RRP12: variants seen among roughly 807,000 people sequenced by gnomAD.
RRP12 encodes ribosomal RNA processing 12 homolog, also known as RRP12-like protein.
A neutral mutation model predicts 157.3 loss-of-function variants in RRP12; 78 were observed. The ratio of observed to expected loss-of-function variants is 0.50; its 90% CI spans 0.41 to 0.60. The LOEUF (loss-of-function observed/expected upper bound fraction) is 0.60. Ranked by LOEUF, RRP12 falls within the 20% of genes least tolerant of loss-of-function variation. The pLI is 0.00. For missense variants in RRP12, 1,521 were observed against 1,679.9 expected, an observed-to-expected ratio of 0.91 and a Z score of 1.65; for synonymous variants, 726 against 670.9, an observed-to-expected ratio of 1.08 and a Z score of -1.27.
At chr10:97,360,436 G>T (rs1050558860) in intron 31 of RRP12, 110 bp downstream of exon 31, 6 of 847,930 alleles carry the variant, frequency 7.1e-6, no homozygotes, top group Non-Finnish European at 1.2e-5. Context: ...CCAAGTGAGT[G>T]CAACCAGGCT....
At chr10:97,400,636 A>C in intron 1 of RRP12, 102 bp from the exon 2 acceptor site, 1 of 901,660 alleles carries the variant, frequency 1.1e-6, no homozygotes, top group Non-Finnish European at 1.7e-6. Context: ...CTCCAACCCG[A>C]GAGGCTGAAT....
intron 25 of RRP12, among the ~76,000 whole-genome samples, chr10:97,368,441 T>C (rs2018465593): frequency 6.6e-6 from 1 of 152,066 alleles, no homozygotes; most frequent in African/African-American, 2.4e-5. Context: ...CACTGCAACA[T>C]CCGCCTCCCA....
chr10:97,380,044 T>A (rs1435658669), intron 13 of RRP12, among the ~76,000 whole-genome samples: 1 of 152,232 alleles, frequency 6.6e-6, no homozygotes, highest in Non-Finnish European at 1.5e-5. Context: ...GACAAATGTA[T>A]CTTGTCTGCA....
intron 2 of RRP12, among the ~76,000 whole-genome samples, chr10:97,399,142 G>A (rs1194317452): frequency 5.9e-5 from 9 of 151,882 alleles, no homozygotes; most frequent in African/African-American, 9.7e-5. Context: ...GCATGGTGGC[G>A]CACGCCTCTA....
At chr10:97,370,102 C>A (rs1844099357) in intron 24 of RRP12, 65 bp downstream of exon 24, 1 of 1,162,836 alleles carries the variant, frequency 8.6e-7, no homozygotes. Context: ...GCCACTTTAT[C>A]CTGACCTTTT....
chr10:97,373,232 C>G, intron 17 of RRP12, 32 bp from the exon 18 acceptor site: 1 of 1,608,794 alleles, frequency 6.2e-7, no homozygotes, highest in East Asian at 2.2e-5. Flanking sequence ...GCACTAAAGG[C>G]ACAGGAGCTG....
In RRP12 at chr10:97,361,967, C is replaced by T. The variant is rs914487883; in HGVS notation, c.3568-1349G>A. ...ACTAAAAATACAAAAATTAGCTGGGCGTGGTAGCATGCACCTGTAATCCCA... is the reference window on the plus strand; with the variant it reads ...ACTAAAAATACAAAAATTAGCTGGGTGTGGTAGCATGCACCTGTAATCCCA... On this transcript the variant is annotated intron_variant, in intron 30 of 33. Transcript: ENST00000370992. Among the ~76,000 whole-genome samples the T allele has an allele frequency of 3.9e-5, 6 of 152,070 alleles. No homozygotes were observed. In the East Asian group the frequency reaches 7.7e-4, roughly 20 times the overall value.
rs147583725 is a variant in RRP12 at position 97,385,945 on chromosome 10, T to G, written c.1066A>C (p.Arg356=). The change falls in exon 9 of 34, where the codon AGG becomes CGG. Residue 356 remains arginine, a synonymous_variant. Transcript: ENST00000370992. The stretch of plus-strand genomic sequence containing the variant: ...GCTGACAGGGTGCTCAGGCCAGGCC[T>G]GGCGTGGAAGAGGCTGTGAAAGGCC... ...MQAFHSLFHA[R]PGLSTLSAEL... is the part of the protein sequence containing the mutation. 16 of 1,607,020 alleles carry G rather than the reference T, an allele frequency of 1.0e-5. No individual in the cohort carries two copies. Among genetic ancestry groups the G allele is most frequent in the Non-Finnish European group, 1.3e-5 (15 of 1,177,034 alleles).
intron 5 of RRP12, 64 bp downstream of exon 5, chr10:97,390,675 A>G: frequency 7.1e-7 from 1 of 1,404,852 alleles, no homozygotes. Context: ...GGAACATCTA[A>G]GCATCACCAA....
intron 29 of RRP12, among the ~76,000 whole-genome samples, chr10:97,364,995 C>T (rs959410400): frequency 1.3e-5 from 2 of 152,166 alleles, no homozygotes; most frequent in African/African-American, 4.8e-5. Context: ...ATATAACAGG[C>T]ACATGTACAC....
chr10:97,377,286 G>A (rs1161370718), intron 15 of RRP12, among the ~76,000 whole-genome samples: 2 of 151,818 alleles, frequency 1.3e-5, no homozygotes, highest in East Asian at 2.0e-4. Context: ...GGAGGCCGAG[G>A]CAGGTAGATT....
At chr10:97,380,960 G>GC in intron 12 of RRP12, 47 bp from the exon 13 acceptor site, 1 of 1,456,786 alleles carries the variant, frequency 6.9e-7, no homozygotes, top group Non-Finnish European at 9.6e-7. Flanking sequence ...ACCACCCTGT[G>GC]CCCCCCACCA....
chr10:97,356,807 T>C lies in RRP12; in HGVS notation c.*287A>G. On this transcript the variant is annotated 3_prime_UTR_variant, in exon 34 of 34. Coordinates refer to ENST00000370992, the MANE Select transcript of RRP12 (RefSeq NM_015179.4). ...GCAGCTGGCGGAAATGGAGATCATCTGTTCTGGTGCTCATGGCCACTCTGG... is the reference window on the plus strand; with the variant it reads ...GCAGCTGGCGGAAATGGAGATCATCCGTTCTGGTGCTCATGGCCACTCTGG... 3.0e-6 allele frequency: 1 copy of C among 332,132 alleles called. No individual in the cohort carries two copies. Among genetic ancestry groups the C allele is most frequent in the Non-Finnish European group, 5.4e-6 (1 of 184,160 alleles). The allele number at this position is 332,132 out of a possible 1,614,324, so 20.6% of individuals were successfully genotyped here.
intron 4 of RRP12, chr10:97,393,413 C>T (rs754670728): frequency 6.6e-6 from 4 of 603,970 alleles, no homozygotes; most frequent in South Asian, 1.4e-5. Context: ...ACACACACCA[C>T]GTGAAGATTT....
chr10:97,362,264 G>A (rs1458500086), intron 30 of RRP12, among the ~76,000 whole-genome samples: 2 of 152,170 alleles, frequency 1.3e-5, no homozygotes, highest in Non-Finnish European at 2.9e-5. Flanking sequence ...CGGGGCAGTG[G>A]GGGACATCCT....
chr10:97,375,481 G>A (rs1451958446), intron 15 of RRP12, among the ~76,000 whole-genome samples: 2 of 152,094 alleles, frequency 1.3e-5, no homozygotes, highest in African/African-American at 2.4e-5. Flanking sequence ...GTTTTTGCCA[G>A]TATAAGCCAA....
chr10:97,365,430 C>T (rs754678137), intron 29 of RRP12, among the ~76,000 whole-genome samples: 5 of 152,124 alleles, frequency 3.3e-5, no homozygotes, highest in African/African-American at 9.6e-5. Context: ...CCCGCGACCA[C>T]GCCCAGCTAA....
At chr10:97,396,189 A>C (rs1353832669) in intron 3 of RRP12, 29 bp downstream of exon 3, 1 of 1,519,086 alleles carries the variant, frequency 6.6e-7, no homozygotes, top group African/African-American at 1.4e-5. Flanking sequence ...GCTGCTCTGA[A>C]CACCCACCCT....
intron 20 of RRP12, chr10:97,371,784 G>A (rs368278614): frequency 2.1e-5 from 7 of 327,132 alleles, no homozygotes; most frequent in Admixed American, 8.1e-5. Context: ...AGCTCAGGCC[G>A]GTCTGGGATG....
Sources: gnomAD v4.1 joint callset for allele counts (sites outside exome capture counted in the v4.1 genomes callset) on GRCh38, gnomAD v4.1.1 for gene constraint, MANE v1.5 for transcripts, NCBI Gene and HGNC (gene_info 2026-07-23, HGNC 2026-07-21) for gene names.